The following MGAT4C variants were observed in gnomAD, a reference collection of about 807,000 sequenced individuals.
The protein encoded by MGAT4C is alpha-1,3-mannosyl-glycoprotein 4-beta-N-acetylglucosaminyltransferase C.
MGAT4C carries 19 observed loss-of-function variants against 40.1 expected under a neutral mutation model. The observed-to-expected ratio is 0.47, with a 90% confidence interval of 0.33 to 0.70. The LOEUF (loss-of-function observed/expected upper bound fraction) is 0.70. MGAT4C is among the 30% of genes least tolerant of loss of function. The pLI, the probability that MGAT4C is intolerant of heterozygous loss-of-function variation, is 0.02. For synonymous variants in MGAT4C, 181 were observed against 187.1 expected, an observed-to-expected ratio of 0.97 and a Z score of 0.27; for missense variants, 491 against 563.2, an observed-to-expected ratio of 0.87 and a Z score of 1.30.
In MGAT4C at chr12:85,958,792, T is replaced by C. The variant is rs772287312; in HGVS notation, c.*20497A>G. The C allele has an allele frequency of 1.3e-5, 2 of 152,058 alleles. No individual in the cohort carries two copies. The highest frequency in any genetic ancestry group is 2.9e-5 in the Non-Finnish European group (2 of 67,974). 9.4% of individuals were successfully genotyped at this position (152,058 alleles called of 1,614,324 possible). ...CTAAATTAAAGCTCCTTCAAAAACATAAATGTATTCTTTAGAGAGTTAAAA... is the reference window on the plus strand; with the variant it reads ...CTAAATTAAAGCTCCTTCAAAAACACAAATGTATTCTTTAGAGAGTTAAAA... On this transcript the variant is annotated 3_prime_UTR_variant, in exon 5 of 5. Transcript: ENST00000611864.
intron 2 of MGAT4C, 100 bp from the exon 3 acceptor site, chr12:85,989,652 C>T (rs1885656947): frequency 9.0e-7 from 1 of 1,108,246 alleles, no homozygotes; most frequent in Non-Finnish European, 1.3e-6. Flanking sequence ...TTTCATCTTT[C>T]AAATGTTTGA....
chr12:86,283,391 T>A (rs1037582016), intron 4 of MGAT4C, among the ~76,000 whole-genome samples: 1 of 151,970 alleles, frequency 6.6e-6, no homozygotes, highest in African/African-American at 2.4e-5. Context: ...TTATGTTATA[T>A]CAAGTTATAT....
At chr12:86,476,931 G>T (rs533852765) in intron 2 of MGAT4C, among the ~76,000 whole-genome samples, 1 of 152,060 alleles carries the variant, frequency 6.6e-6, no homozygotes, top group East Asian at 1.9e-4. Context: ...TACTACACAG[G>T]GAAATGATGA....
intron 3 of MGAT4C, among the ~76,000 whole-genome samples, chr12:86,364,021 A>G (rs572876624): frequency 2.0e-5 from 3 of 151,530 alleles, no homozygotes; most frequent in African/African-American, 4.8e-5. Flanking sequence ...TACAAAATAG[A>G]TATCTTCAAT....
At chr12:86,484,897 G>A (rs1407876341) in intron 2 of MGAT4C, among the ~76,000 whole-genome samples, 1 of 152,092 alleles carries the variant, frequency 6.6e-6, no homozygotes. Context: ...TGAATTCAAT[G>A]AAATACAATA....
At chr12:86,774,896 A>G (rs1951725909) in intron 1 of MGAT4C, among the ~76,000 whole-genome samples, 1 of 152,182 alleles carries the variant, frequency 6.6e-6, no homozygotes, top group Admixed American at 6.5e-5. Flanking sequence ...AAGGCAACCA[A>G]TTCTTGCAAA....
Position 86,433,830 on chromosome 12 carries a change from T to A in MGAT4C, c.-120+1327A>T, listed in dbSNP as rs555669079. Among the ~76,000 whole-genome samples, 20 of 152,178 alleles carry A rather than the reference T, an allele frequency of 1.3e-4. No individual in the cohort carries two copies. The South Asian group carries it at 4.1e-3, about 32-fold the overall frequency. ...CATTACTGACTCCTCCTGACTCTGCTATTTGTCCTTAGCCAGACCTTCACT... is the reference window on the plus strand; with the variant it reads ...CATTACTGACTCCTCCTGACTCTGCAATTTGTCCTTAGCCAGACCTTCACT... On this transcript the variant is annotated intron_variant, in intron 3 of 7. Transcript: ENST00000548651.
At chr12:86,730,788 G>A (rs1593157808) in intron 1 of MGAT4C, among the ~76,000 whole-genome samples, 1 of 152,070 alleles carries the variant, frequency 6.6e-6, no homozygotes, top group Non-Finnish European at 1.5e-5. Context: ...ATTTAACGCA[G>A]AATCTAAATT....
chr12:86,180,420 C>T (rs977374209), intron 1 of MGAT4C, among the ~76,000 whole-genome samples: 3 of 152,194 alleles, frequency 2.0e-5, no homozygotes, highest in African/African-American at 7.2e-5. Flanking sequence ...TGCCACTATC[C>T]TTCAGACCCT....
chr12:86,032,606 G>A (rs201086930), intron 2 of MGAT4C, among the ~76,000 whole-genome samples: 2 of 149,388 alleles, frequency 1.3e-5, no homozygotes, highest in Non-Finnish European at 3.0e-5. Flanking sequence ...CTACATAATG[G>A]GGTTGTTTGT....
chr12:86,602,764 T>G (rs977473969), intron 2 of MGAT4C, among the ~76,000 whole-genome samples: 4 of 152,092 alleles, frequency 2.6e-5, no homozygotes, highest in African/African-American at 9.7e-5. Flanking sequence ...TTGATTTAAT[T>G]AAGATTACTG....
chr12:86,513,413 C>G (rs368786223), intron 2 of MGAT4C, among the ~76,000 whole-genome samples: 1 of 152,084 alleles, frequency 6.6e-6, no homozygotes, highest in African/African-American at 2.4e-5. Context: ...CAGATGGTCT[C>G]CATTTCAGAC....
intron 1 of MGAT4C, among the ~76,000 whole-genome samples, chr12:86,794,672 G>A (rs1349803809): frequency 2.0e-5 from 3 of 151,874 alleles, no homozygotes; most frequent in Non-Finnish European, 4.4e-5. Flanking sequence ...ATGTTTGGAA[G>A]TATTCTCTGA....
At chr12:86,166,671 A>T (rs1353663651) in intron 1 of MGAT4C, among the ~76,000 whole-genome samples, 2 of 152,188 alleles carry the variant, frequency 1.3e-5, no homozygotes, top group African/African-American at 2.4e-5. Context: ...AGGTCTCAAA[A>T]AAAAAGTCTA....
At chr12:85,994,312 A>C (rs1886346059) in intron 2 of MGAT4C, among the ~76,000 whole-genome samples, 1 of 152,240 alleles carries the variant, frequency 6.6e-6, no homozygotes, top group African/African-American at 2.4e-5. Context: ...TACAGAATAC[A>C]AATAAAGTTT....
Position 86,698,718 on chromosome 12 carries a change from G to A in MGAT4C, c.-229+28491C>T, listed in dbSNP as rs559178577. Among the ~76,000 whole-genome samples the A allele has an allele frequency of 2.4e-4, 36 of 151,920 alleles. 1 individual carries two copies. The highest frequency in any genetic ancestry group is 2.1e-4 in the South Asian group (1 of 4,818). On this transcript the variant is annotated intron_variant, in intron 2 of 7. Coordinates refer to the MGAT4C transcript ENST00000548651. ...TTCTGTTGATTTATGTATGAGTGCC[G>A]CATAAGTTCATTTCAATCACATTCA...
intron 3 of MGAT4C, among the ~76,000 whole-genome samples, chr12:86,380,268 C>T (rs1419588726): frequency 2.0e-5 from 3 of 152,040 alleles, no homozygotes; most frequent in African/African-American, 7.2e-5. Context: ...TTAAAAATAA[C>T]ATTAAAAAAT....
At chr12:86,640,761 C>T (rs1401422574) in intron 2 of MGAT4C, among the ~76,000 whole-genome samples, 1 of 151,852 alleles carries the variant, frequency 6.6e-6, no homozygotes, top group African/African-American at 2.4e-5. Context: ...TTTCCTTCTA[C>T]ACACTGCTTT....
At chr12:86,517,739 G>A (rs1292969111) in intron 2 of MGAT4C, among the ~76,000 whole-genome samples, 2 of 152,086 alleles carry the variant, frequency 1.3e-5, no homozygotes, top group African/African-American at 4.8e-5. Flanking sequence ...TCCGCCTCCC[G>A]GGTTCACGCC....
Sources: gnomAD v4.1 joint callset for allele counts (sites outside exome capture counted in the v4.1 genomes callset) on GRCh38, gnomAD v4.1.1 for gene constraint, MANE v1.5 for transcripts, NCBI Gene and HGNC (gene_info 2026-07-23, HGNC 2026-07-21) for gene names.